Variants in RNF130 observed in about 807,000 individuals in gnomAD.
RNF130 encodes the protein ring finger protein 130.
Under a neutral mutation model 44.6 loss-of-function variants are expected in RNF130, and 21 were observed. The ratio of observed to expected loss-of-function variants is 0.47; its 90% CI spans 0.33 to 0.68. The LOEUF (loss-of-function observed/expected upper bound fraction) is 0.68. Ranked by LOEUF, RNF130 falls within the 30% of genes least tolerant of loss-of-function variation. The probability of loss-of-function intolerance (pLI) is 0.02; values close to 1 mark genes in which losing one functional copy is unlikely to be tolerated. For synonymous variants in RNF130, 214 were observed against 210.4 expected, an observed-to-expected ratio of 1.02 and a Z score of -0.15; for missense variants, 479 against 560.6, an observed-to-expected ratio of 0.85 and a Z score of 1.47.
intron 3 of RNF130, among the ~76,000 whole-genome samples, chr5:180,012,722 C>T (rs780837977): frequency 6.6e-6 from 1 of 152,054 alleles, no homozygotes; most frequent in Non-Finnish European, 1.5e-5. Context: ...CCCTAACCCC[C>T]CTCCAAGTTC....
Position 180,007,988 on chromosome 5 carries a change from G to GTTTT in RNF130, c.693+5069_693+5072dup, listed in dbSNP as rs371751598. On this transcript the variant is annotated intron_variant, in intron 3 of 8. Coordinates refer to ENST00000521389, the MANE Select transcript of RNF130 (RefSeq NM_018434.6). ...ACATATTTTAAAAACAAATCTTTTA[G>GTTTT]TTTTTTTTTTTTTTTTTTTTAACAG... Among the ~76,000 whole-genome samples the GTTTT allele has an allele frequency of 2.0e-4, 26 of 129,850 alleles. 1 individual carries two copies. Among genetic ancestry groups the GTTTT allele is most frequent in the Non-Finnish European group, 2.9e-4 (18 of 63,028 alleles). The allele number at this position is 129,850 out of a possible 152,430, so 85.2% of individuals were successfully genotyped here.
intron 5 of RNF130, among the ~76,000 whole-genome samples, chr5:179,972,537 C>T (rs1348697685): frequency 1.3e-5 from 2 of 151,352 alleles, no homozygotes; most frequent in African/African-American, 4.9e-5. Flanking sequence ...CGGGGGAGGC[C>T]TAGGTGCCTT....
At chr5:179,936,149 T>C (rs913120191) in intron 7 of RNF130, among the ~76,000 whole-genome samples, 1 of 152,206 alleles carries the variant, frequency 6.6e-6, no homozygotes, top group Non-Finnish European at 1.5e-5. Flanking sequence ...TGAGACAGGG[T>C]CTCGCTCTGT....
intron 7 of RNF130, among the ~76,000 whole-genome samples, chr5:179,930,235 T>A (rs905029388): frequency 4.6e-5 from 7 of 151,996 alleles, no homozygotes; most frequent in African/African-American, 1.7e-4. Context: ...TTTTTGTATT[T>A]TTAGTAGAGA....
Position 180,018,187 on chromosome 5 carries a change from C to A in RNF130, c.443-4876G>T, listed in dbSNP as rs576270723. On this transcript the variant is annotated intron_variant, in intron 2 of 8. Transcript: ENST00000521389. Reference sequence around the variant, plus strand: ...GCAGGCGCCTGTAATCCCAGCTACTCGGGAGGCTGAGGCAGAAGAATTGCT... The same window carrying A: ...GCAGGCGCCTGTAATCCCAGCTACTAGGGAGGCTGAGGCAGAAGAATTGCT... Among the ~76,000 whole-genome samples the A allele has an allele frequency of 3.3e-5, 5 of 151,396 alleles. No homozygotes were observed. The East Asian group carries it at 9.7e-4, about 29-fold the overall frequency.
intron 6 of RNF130, among the ~76,000 whole-genome samples, chr5:179,969,879 T>C (rs1462604665): frequency 6.6e-6 from 1 of 152,052 alleles, no homozygotes; most frequent in Non-Finnish European, 1.5e-5. Context: ...CAATCCCAGC[T>C]ACTCAGAAGG....
chr5:180,051,238 A>ATATTATATT (rs1554107009), intron 1 of RNF130, among the ~76,000 whole-genome samples: 1 of 144,096 alleles, frequency 6.9e-6, no homozygotes, highest in African/African-American at 2.5e-5. Context: ...TATAGATATT[A>ATATTATATT]TATTTATTTA....
chr5:179,914,244 G>A (rs1761508429), exon 8 of RNF130: 1 of 152,254 alleles, frequency 6.6e-6, no homozygotes, highest in South Asian at 2.1e-4. Flanking sequence ...CCTATTTTAA[G>A]CTGTGGGTAT....
Position 179,980,219 on chromosome 5 carries a change from A to G in RNF130, c.694-19T>C, listed in dbSNP as rs780864341. On this transcript the variant is annotated intron_variant, in intron 3 of 8. Transcript: ENST00000521389. The stretch of plus-strand genomic sequence containing the variant: ...GACGACGCTATGAAAATTGCAAATA[A>G]AAACAGATACTAAGTGTAAGATCTC... The G allele has an allele frequency of 1.1e-5, 18 of 1,610,850 alleles. No individual in the cohort carries two copies. Among genetic ancestry groups the G allele is most frequent in the Non-Finnish European group, 1.4e-5 (16 of 1,177,150 alleles).
intron 2 of RNF130, among the ~76,000 whole-genome samples, chr5:180,021,615 A>AAAT (rs1434002589): frequency 3.3e-5 from 5 of 151,934 alleles, no homozygotes; most frequent in African/African-American, 1.2e-4. Context: ...ATTCATTTAA[A>AAAT]AATAATAATA....
chr5:180,045,420 T>C (rs1764536115), intron 1 of RNF130, among the ~76,000 whole-genome samples: 1 of 152,186 alleles, frequency 6.6e-6, no homozygotes, highest in South Asian at 2.1e-4. Flanking sequence ...GCAGACCTTC[T>C]CAGTGAGTGT....
intron 7 of RNF130, chr5:179,964,420 C>A (rs1762399970): frequency 6.6e-6 from 1 of 152,250 alleles, no homozygotes. Flanking sequence ...AAGAACCAAT[C>A]TGACTTGCTA....
At chr5:180,040,078 T>C (rs1361010516) in intron 2 of RNF130, among the ~76,000 whole-genome samples, 1 of 152,212 alleles carries the variant, frequency 6.6e-6, no homozygotes, top group Non-Finnish European at 1.5e-5. Flanking sequence ...AATTTCAACA[T>C]TTATCCTGAT....
chr5:180,008,162 A>G (rs1257999966), intron 3 of RNF130, among the ~76,000 whole-genome samples: 1 of 152,022 alleles, frequency 6.6e-6, no homozygotes, highest in East Asian at 1.9e-4. Context: ...AACAGCCAAC[A>G]GGACCAGAGC....
At chr5:179,995,420 G>A (rs146053234) in intron 3 of RNF130, among the ~76,000 whole-genome samples, 9 of 152,174 alleles carry the variant, frequency 5.9e-5, no homozygotes, top group East Asian at 1.9e-4. Context: ...ATCATTTCTG[G>A]CTGTGTGGGC....
chr5:179,978,106 G>A (rs1203153617), intron 5 of RNF130, 97 bp downstream of exon 5: 2 of 1,008,452 alleles, frequency 2.0e-6, no homozygotes, highest in Non-Finnish European at 3.1e-6. Context: ...GCCACGAGGT[G>A]GGTGGCGCTC....
chr5:180,063,559 G>A (rs910555697), intron 1 of RNF130, among the ~76,000 whole-genome samples: 3 of 152,206 alleles, frequency 2.0e-5, no homozygotes, highest in African/African-American at 4.8e-5. Context: ...GAAGCCAAGC[G>A]CATGAACCTA....
At chr5:179,962,618 G>GAA (rs578031059) in intron 8 of RNF130, among the ~76,000 whole-genome samples, 413 of 152,138 alleles carry the variant, frequency 2.7e-3, no homozygotes, top group Middle Eastern at 0.01. Context: ...CCAAAATTTA[G>GAA]AACAAAACAA....
At chr5:179,980,252 C>T (rs565078058) in intron 3 of RNF130, 52 bp from the exon 4 acceptor site, 20 of 1,514,992 alleles carry the variant, frequency 1.3e-5, no homozygotes, top group Admixed American at 1.0e-4. Context: ...CTCTGAATGA[C>T]GTACTTTATT....
Sources: gnomAD v4.1 joint callset for allele counts (sites outside exome capture counted in the v4.1 genomes callset) on GRCh38, gnomAD v4.1.1 for gene constraint, MANE v1.5 for transcripts, NCBI Gene and HGNC (gene_info 2026-07-23, HGNC 2026-07-21) for gene names.